The following POLR2B variants were observed in gnomAD, a reference collection of about 807,000 sequenced individuals.
POLR2B encodes the protein DNA-directed RNA polymerase II subunit RPB2.
POLR2B carries 57 observed loss-of-function variants against 144.6 expected under a neutral mutation model. That is an observed-to-expected ratio of 0.39 (90% CI 0.32 to 0.49). The LOEUF (loss-of-function observed/expected upper bound fraction) is 0.49. Ranked by LOEUF, POLR2B falls within the 20% of genes least tolerant of loss-of-function variation. The probability of loss-of-function intolerance (pLI) is 0.83; values close to 1 mark genes in which losing one functional copy is unlikely to be tolerated. For missense variants in POLR2B, 595 were observed against 1,467.4 expected (o/e 0.41, Z 9.71); for synonymous variants, 442 against 469.8 (o/e 0.94, Z 0.77).
intron 16 of POLR2B, among the ~76,000 whole-genome samples, chr4:57,020,642 CAT>C (rs905520333): frequency 2.2e-4 from 33 of 152,068 alleles, no homozygotes; most frequent in African/African-American, 2.4e-4. Context: ...GGAGGTGACT[CAT>C]GTGTAATCAC....
intron 3 of POLR2B, among the ~76,000 whole-genome samples, chr4:56,993,962 T>C (rs1722600980): frequency 6.6e-6 from 1 of 152,220 alleles, no homozygotes; most frequent in Admixed American, 6.5e-5. Flanking sequence ...AGATCATTAA[T>C]GTAAATCCAT....
chr4:57,011,438 G>A (rs1036128643), intron 13 of POLR2B, among the ~76,000 whole-genome samples: 1 of 152,232 alleles, frequency 6.6e-6, no homozygotes, highest in African/African-American at 2.4e-5. Context: ...TGAGACAGGA[G>A]AATCACTTGA....
chr4:57,004,386 C>A (rs1205150849), intron 7 of POLR2B, among the ~76,000 whole-genome samples: 1 of 149,496 alleles, frequency 6.7e-6, no homozygotes, highest in Non-Finnish European at 1.5e-5. Flanking sequence ...CCAGGGTACA[C>A]GCTGGATAAA....
rs1205501029 is a variant in POLR2B at position 57,005,729 on chromosome 4, T to G, written c.1217+10T>G. The G allele has an allele frequency of 6.2e-7, 1 of 1,608,038 alleles. No individual in the cohort carries two copies. Among genetic ancestry groups the G allele is most frequent in the Admixed American group, 1.7e-5 (1 of 58,614 alleles). On this transcript the variant is annotated intron_variant, in intron 9 of 24. Transcript: ENST00000314595. Reference sequence around the variant, plus strand: ...CATTCTTATTTAGAGGGTAAGGAATTACAGAATGAAGTCATTAAAGCAGGG... The same window carrying G: ...CATTCTTATTTAGAGGGTAAGGAATGACAGAATGAAGTCATTAAAGCAGGG...
chr4:56,997,969 G>A (rs1281504157), intron 6 of POLR2B, among the ~76,000 whole-genome samples: 1 of 152,204 alleles, frequency 6.6e-6, no homozygotes, highest in Non-Finnish European at 1.5e-5. Flanking sequence ...GACATAAACA[G>A]TATATTAGGG....
intron 3 of POLR2B, among the ~76,000 whole-genome samples, chr4:56,992,444 G>A (rs566326424): frequency 6.6e-4 from 67 of 101,950 alleles, no homozygotes; most frequent in Middle Eastern, 0.022. Flanking sequence ...CAGCCTGGGC[G>A]AGAGGTCGAG....
At chr4:57,006,237 T>C (rs774953018) in intron 9 of POLR2B, among the ~76,000 whole-genome samples, 1 of 152,236 alleles carries the variant, frequency 6.6e-6, no homozygotes, top group Non-Finnish European at 1.5e-5. Flanking sequence ...CGTGTTTTGT[T>C]ATTTAGTATG....
chr4:57,023,156 T>A lies in POLR2B; in HGVS notation c.2516-174T>A, dbSNP rs1266306042. On this transcript the variant is annotated intron_variant, in intron 18 of 24. Transcript: ENST00000314595. The surrounding 1 kb of genome is among the most constrained non-coding windows in gnomAD (Gnocchi z 4.3). The stretch of plus-strand genomic sequence containing the variant: ...TCCTTCATAGACTTTTTTTTTTGTT[T>A]TCTGTGTGGGCTGTAGTATTAGAGT... 1.6e-5 allele frequency: 9 copies of A among 558,344 alleles called. No individual in the cohort carries two copies. The highest frequency in any genetic ancestry group is 2.4e-5 in the Non-Finnish European group (8 of 327,778). The allele number at this position is 558,344 out of a possible 1,614,324, so 34.6% of individuals were successfully genotyped here.
intron 2 of POLR2B, 73 bp downstream of exon 2, chr4:56,986,499 C>T: frequency 1.2e-6 from 1 of 849,028 alleles, no homozygotes; most frequent in Non-Finnish European, 2.0e-6. Context: ...TGATAAATAG[C>T]TCTTCTATAT....
chr4:56,999,160 A>G (rs1265508188), intron 6 of POLR2B, among the ~76,000 whole-genome samples: 2 of 140,390 alleles, frequency 1.4e-5, no homozygotes, highest in Admixed American at 7.1e-5. Context: ...TTTAATATTT[A>G]TTTTTTATTG....
intron 6 of POLR2B, among the ~76,000 whole-genome samples, chr4:56,996,753 G>T (rs891059464): frequency 6.6e-6 from 1 of 152,018 alleles, no homozygotes. Context: ...GCACAACATT[G>T]CTGGGTATTG....
At chr4:56,979,506 A>T (rs1376321070) in intron 1 of POLR2B, among the ~76,000 whole-genome samples, 2 of 152,254 alleles carry the variant, frequency 1.3e-5, no homozygotes, top group African/African-American at 4.8e-5. Flanking sequence ...TTTGTAAGTC[A>T]AAGTAAATTG....
chr4:57,009,163 T>G (rs142091995), intron 10 of POLR2B, among the ~76,000 whole-genome samples: 2 of 152,256 alleles, frequency 1.3e-5, no homozygotes, highest in Admixed American at 1.3e-4. Flanking sequence ...ACTTTGTGAT[T>G]GATTAGTAGA....
At chr4:57,016,889 A>G (rs1428539834) in intron 14 of POLR2B, among the ~76,000 whole-genome samples, 154 bp from the exon 15 acceptor site, 1 of 148,308 alleles carries the variant, frequency 6.7e-6, no homozygotes, top group Non-Finnish European at 1.5e-5. Context: ...TCAGTTATAT[A>G]TAATATTAAA....
chr4:57,014,330 A>G (rs1392270249), intron 13 of POLR2B, among the ~76,000 whole-genome samples: 2 of 148,096 alleles, frequency 1.4e-5, no homozygotes, highest in African/African-American at 5.0e-5. Flanking sequence ...AGGGGCTGGG[A>G]TTACAGGCGC....
chr4:57,000,965 G>C (rs899894848), intron 7 of POLR2B, among the ~76,000 whole-genome samples: 5 of 152,042 alleles, frequency 3.3e-5, no homozygotes, highest in African/African-American at 1.2e-4. Context: ...CAAAGTGATA[G>C]GATTACAACA....
chr4:57,009,559 A>T (rs56798906), intron 10 of POLR2B: 1 of 152,176 alleles, frequency 6.6e-6, no homozygotes, highest in East Asian at 1.9e-4. Context: ...AGGTGAGGGG[A>T]AATGGGCTGG....
At chr4:57,005,757 AT>A (rs1560478144) in intron 9 of POLR2B, 38 bp downstream of exon 9, 2 of 1,593,174 alleles carry the variant, frequency 1.3e-6, no homozygotes, top group South Asian at 2.2e-5. Flanking sequence ...AAGCAGGGAG[AT>A]TTATTTCACT....
At chr4:56,997,738 A>G (rs1224477764) in intron 6 of POLR2B, among the ~76,000 whole-genome samples, 1 of 152,242 alleles carries the variant, frequency 6.6e-6, no homozygotes, top group Non-Finnish European at 1.5e-5. Flanking sequence ...TGACAAGTAG[A>G]TGATCAGGGT....
Sources: allele counts gnomAD v4.1 joint callset (sites outside exome capture counted in the v4.1 genomes callset), GRCh38; gene constraint gnomAD v4.1.1; non-coding constraint Gnocchi (gnomAD v3.1); transcripts MANE v1.5; gene names NCBI Gene and HGNC (gene_info 2026-07-23, HGNC 2026-07-21).